The following NOSTRIN variants were observed in gnomAD, a reference collection of about 807,000 sequenced individuals.
NOSTRIN encodes BM247 homolog.
NOSTRIN carries 63 observed loss-of-function variants against 59.0 expected under a neutral mutation model. That is an observed-to-expected ratio of 1.07 (90% CI 0.87 to 1.32). The LOEUF (loss-of-function observed/expected upper bound fraction) is 1.32, where lower values mean the gene tolerates loss of function less well. NOSTRIN is among the 40% of genes most tolerant of loss of function. The pLI, the probability that NOSTRIN is intolerant of heterozygous loss-of-function variation, is 0.00. For synonymous variants in NOSTRIN, 200 were observed against 165.4 expected (o/e 1.21, Z -1.61); for missense variants, 512 against 473.1 (o/e 1.08, Z -0.76).
At chr2:168,798,813 C>CAATA, upstream of NOSTRIN, among the ~76,000 whole-genome samples, 1 of 149,346 alleles carries the variant, frequency 6.7e-6, no homozygotes, top group East Asian at 2.0e-4. Flanking sequence ...ATCGATCGAT[C>CAATA]GATAGATAGA....
At chr2:168,834,503 G>GCACACACACACACACA (rs1355060150) in intron 7 of NOSTRIN, among the ~76,000 whole-genome samples, 178 bp downstream of exon 7, 7 of 119,834 alleles carry the variant, frequency 5.8e-5, no homozygotes, top group South Asian at 2.6e-4. Flanking sequence ...GCGCGCGCGC[G>GCACACACACACACACA]CGCGCACACA....
intron 6 of NOSTRIN, among the ~76,000 whole-genome samples, chr2:168,833,438 T>A (rs1031179627): frequency 3.3e-5 from 5 of 152,242 alleles, no homozygotes; most frequent in African/African-American, 1.2e-4. Context: ...CTTTACTATC[T>A]GGTTTGACAG....
intron 3 of NOSTRIN, among the ~76,000 whole-genome samples, chr2:168,827,928 G>A (rs992695720): frequency 4.0e-5 from 6 of 151,792 alleles, no homozygotes; most frequent in Non-Finnish European, 8.8e-5. Context: ...AATAGGAAAT[G>A]AAAATCTAAA....
upstream of NOSTRIN, chr2:168,801,209 T>A (rs1477410880): frequency 6.6e-6 from 1 of 151,812 alleles, no homozygotes; most frequent in Non-Finnish European, 1.5e-5. Flanking sequence ...GCAAGGCAAG[T>A]TCTTTTCCTT....
chr2:168,861,275 G>A (rs1223482972), intron 14 of NOSTRIN, among the ~76,000 whole-genome samples: 1 of 151,996 alleles, frequency 6.6e-6, no homozygotes, highest in African/African-American at 2.4e-5. Context: ...TCCTCTCTGC[G>A]AGACACATGG....
chr2:168,824,293 A>G (rs1686929523), intron 2 of NOSTRIN, among the ~76,000 whole-genome samples: 1 of 151,592 alleles, frequency 6.6e-6, no homozygotes, highest in Non-Finnish European at 1.5e-5. Context: ...ATTTCCAGCC[A>G]GCATAATCAA....
At position 168,853,869 on chromosome 2, in the gene NOSTRIN, G is replaced by GAAAATAAATAATATAAAAAAAAT. The variant is rs1268108975; in HGVS notation, c.856-1480_856-1479insATAAATAATATAAAAAAAATAAA. Among the ~76,000 whole-genome samples, 423 of 152,250 alleles carry GAAAATAAATAATATAAAAAAAAT rather than the reference G, an allele frequency of 2.8e-3. 1 individual carries two copies. The highest frequency in any genetic ancestry group is 4.8e-3 in the Non-Finnish European group (325 of 68,012). On this transcript the variant is annotated intron_variant, in intron 10 of 15. Coordinates refer to ENST00000317647, the MANE Select transcript of NOSTRIN (RefSeq NM_001039724.4). ...AGTTGCATGTAATAAATAATATAAAGAAATATTTATTTATTTGAGACGGAG... is the reference window on the plus strand; with the variant it reads ...AGTTGCATGTAATAAATAATATAAAGAAAATAAATAATATAAAAAAAATAAATATTTATTTATTTGAGACGGAG...
chr2:168,807,584 C>T (rs1045300901), intron 1 of NOSTRIN, among the ~76,000 whole-genome samples: 3 of 152,134 alleles, frequency 2.0e-5, no homozygotes, highest in African/African-American at 7.2e-5. Context: ...CTTATCTGAT[C>T]GCTAAATTAA....
intron 7 of NOSTRIN, among the ~76,000 whole-genome samples, chr2:168,835,305 C>T (rs920927627): frequency 6.6e-6 from 1 of 152,198 alleles, no homozygotes. Flanking sequence ...TCTCGAACTC[C>T]TGACCTCAAG....
At chr2:168,831,961 C>T (rs1236328455) in intron 6 of NOSTRIN, among the ~76,000 whole-genome samples, 1 of 152,144 alleles carries the variant, frequency 6.6e-6, no homozygotes, top group East Asian at 1.9e-4. Flanking sequence ...TACTGACTAC[C>T]TTTCTGTATA....
rs774598528 is a variant in NOSTRIN at position 168,851,143 on chromosome 2, C to T, written c.690C>T (p.Tyr230=). The T allele has an allele frequency of 3.7e-6, 6 of 1,606,700 alleles. No individual in the cohort carries two copies. The highest frequency in any genetic ancestry group is 5.1e-6 in the Non-Finnish European group (6 of 1,173,242). ...TTTTATGCAATAACTTAAACCAGTACAGCCAACATATTTCTCTTTTTGGCC... is the reference window on the plus strand; with the variant it reads ...TTTTATGCAATAACTTAAACCAGTATAGCCAACATATTTCTCTTTTTGGCC... ...IQLLCNNLNQ[Y]SQHISLFGQT... The change falls in exon 9 of 16, where the codon TAC becomes TAT. Residue 230 remains tyrosine (Y), a synonymous_variant. Coordinates refer to ENST00000317647, the MANE Select transcript of NOSTRIN (RefSeq NM_001039724.4).
rs757173135 is a variant in NOSTRIN, at chr2:168,828,477, T to G, written c.318T>G (p.Asn106Lys). 5.7e-6 allele frequency: 5 copies of G among 871,094 alleles called. No homozygotes were observed. The East Asian group carries it at 9.6e-5, about 17-fold the overall frequency. The allele number at this position is 871,094 out of a possible 1,614,324, so 54.0% of individuals were successfully genotyped here. The change falls in exon 5 of 16, where the codon AAT (asparagine) becomes AAG (lysine). Residue 106 changes from asparagine to lysine, a missense_variant. Asn to Lys is a moderately conservative substitution (Grantham distance 94). Coordinates refer to ENST00000317647, the MANE Select transcript of NOSTRIN (RefSeq NM_001039724.4). ...EAIKPTYQVL[N>K]VQEKKRKSLD... ...TAAAACCGACTTATCAAGTCCTAAA[T>G]GTACAAGAGAAGAAGAGAAAATCAG...
At chr2:168,819,673 G>T (rs977707644) in intron 2 of NOSTRIN, among the ~76,000 whole-genome samples, 5 of 152,170 alleles carry the variant, frequency 3.3e-5, no homozygotes, top group Non-Finnish European at 7.4e-5. Flanking sequence ...TTCCCAAAAT[G>T]GTCATTAGGA....
At chr2:168,804,542 A>G (rs1685748041) in intron 1 of NOSTRIN, among the ~76,000 whole-genome samples, 1 of 152,242 alleles carries the variant, frequency 6.6e-6, no homozygotes, top group Admixed American at 6.5e-5. Context: ...TGGGAACAAA[A>G]TAAGACAAGG....
intron 1 of NOSTRIN, among the ~76,000 whole-genome samples, chr2:168,804,196 G>A (rs1279623842): frequency 6.6e-6 from 1 of 152,148 alleles, no homozygotes; most frequent in Non-Finnish European, 1.5e-5. Flanking sequence ...TTTTCTTTCA[G>A]CAGCCCCCAA....
intron 1 of NOSTRIN, among the ~76,000 whole-genome samples, chr2:168,810,916 A>C (rs1484473485): frequency 6.6e-6 from 1 of 152,230 alleles, no homozygotes; most frequent in Non-Finnish European, 1.5e-5. Context: ...ATCAAATGAC[A>C]AAAACTTTTA....
At chr2:168,850,399 T>C (rs1481185997) in intron 8 of NOSTRIN, among the ~76,000 whole-genome samples, 1 of 152,172 alleles carries the variant, frequency 6.6e-6, no homozygotes, top group Non-Finnish European at 1.5e-5. Flanking sequence ...AATTATAAAT[T>C]GGTCAGACTT....
chr2:168,828,071 A>C, intron 3 of NOSTRIN, 87 bp from the exon 4 acceptor site: 1 of 816,390 alleles, frequency 1.2e-6, no homozygotes, highest in Non-Finnish European at 2.2e-6. Flanking sequence ...GTGGTGAATC[A>C]GATGCGATGC....
At chr2:168,813,413 G>A (rs1686247862) in intron 2 of NOSTRIN, among the ~76,000 whole-genome samples, 1 of 152,108 alleles carries the variant, frequency 6.6e-6, no homozygotes, top group Non-Finnish European at 1.5e-5. Context: ...AAACTCTGAG[G>A]GAGTCTCTGC....
Sources: gnomAD v4.1 joint callset for allele counts (sites outside exome capture counted in the v4.1 genomes callset) on GRCh38, gnomAD v4.1.1 for gene constraint, MANE v1.5 for transcripts, NCBI Gene and HGNC (gene_info 2026-07-23, HGNC 2026-07-21) for gene names.